The following ACSM6 variants were observed in gnomAD, a reference collection of about 807,000 sequenced individuals.
The protein encoded by ACSM6 is acyl-coenzyme A synthetase ACSM6, mitochondrial.
ACSM6 carries 35 observed loss-of-function variants against 51.1 expected under a neutral mutation model. The observed-to-expected ratio is 0.69, with a 90% CI of 0.52 to 0.91. The LOEUF is 0.91. Among genes scored for constraint, ACSM6 ranks in the 40% least tolerant of loss-of-function variants. The probability of loss-of-function intolerance (pLI) is 0.00; values close to 1 mark genes in which losing one functional copy is unlikely to be tolerated. For missense variants in ACSM6, 509 were observed against 584.1 expected (o/e 0.87, Z 1.32); for synonymous variants, 172 against 207.3 (o/e 0.83, Z 1.46).
intron 4 of ACSM6, among the ~76,000 whole-genome samples, chr10:95,209,992 C>A (rs889406264): frequency 1.3e-5 from 2 of 152,062 alleles, no homozygotes; most frequent in Non-Finnish European, 2.9e-5. Flanking sequence ...TTGAAGCCGG[C>A]CTGAATCCCA....
intron 8 of ACSM6, among the ~76,000 whole-genome samples, chr10:95,217,893 C>T (rs762003032): frequency 3.3e-5 from 5 of 152,224 alleles, no homozygotes; most frequent in Non-Finnish European, 4.4e-5. Flanking sequence ...ACGCAAGTTA[C>T]AATTCAAAAC....
Position 95,201,975 on chromosome 10 carries a change from C to T in ACSM6, c.193-10C>T, listed in dbSNP as rs80081228. 1.1e-5 allele frequency: 17 copies of T among 1,550,666 alleles called. No homozygotes were observed. Among genetic ancestry groups the T allele is most frequent in the East Asian group, 7.3e-5 (3 of 40,914 alleles). Reference sequence around the variant, plus strand: ...ACTAATATTCATATTTTAAACATCACCCTGCCTAGGACGGACTCAGAGGGC... The same window carrying T: ...ACTAATATTCATATTTTAAACATCATCCTGCCTAGGACGGACTCAGAGGGC... On this transcript the variant is annotated splice_polypyrimidine_tract_variant and intron_variant, in intron 2 of 10. Transcript: ENST00000341686.
intron 9 of ACSM6, among the ~76,000 whole-genome samples, chr10:95,222,501 T>G (rs2035002987): frequency 6.6e-6 from 1 of 151,724 alleles, no homozygotes; most frequent in Admixed American, 6.6e-5. Context: ...CATATGACTG[T>G]AATCCCAGCT....
chr10:95,215,045 A>G, intron 8 of ACSM6, 70 bp downstream of exon 8: 3 of 1,519,514 alleles, frequency 2.0e-6, no homozygotes, highest in Non-Finnish European at 2.7e-6. Context: ...GCACACTGTC[A>G]AAGCACTAAG....
At chr10:95,213,011 A>AT in intron 7 of ACSM6, 71 bp downstream of exon 7, 1 of 1,343,016 alleles carries the variant, frequency 7.4e-7, no homozygotes, top group Non-Finnish European at 1.1e-6. Flanking sequence ...GGACCCCTTA[A>AT]TTTGTTGAAG....
At chr10:95,207,334 C>G (rs746660697) in exon 4 of ACSM6, 5 of 1,614,018 alleles carry the variant, frequency 3.1e-6, no homozygotes. Flanking sequence ...TCTGCCGTGT[C>G]CGACTGCCCC....
At chr10:95,210,618 G>T in intron 4 of ACSM6, 32 bp from the exon 5 acceptor site, 1 of 1,600,502 alleles carries the variant, frequency 6.2e-7, no homozygotes, top group South Asian at 1.1e-5. Flanking sequence ...CCTAAATTTA[G>T]ATCTCACTGT....
chr10:95,218,569 G>C (rs2034966344), intron 8 of ACSM6, among the ~76,000 whole-genome samples: 1 of 152,146 alleles, frequency 6.6e-6, no homozygotes, highest in Non-Finnish European at 1.5e-5. Flanking sequence ...ATTAACACCA[G>C]CAACTCTGGA....
Position 95,214,595 on chromosome 10 carries a change from A to G in ACSM6, c.996-257A>G, listed in dbSNP as rs1589495885. On this transcript the variant is annotated intron_variant, in intron 7 of 10. Transcript: ENST00000341686. The stretch of plus-strand genomic sequence containing the variant: ...TGCAGAAGGCTGGCTTCCTGCCATC[A>G]GTTAGCACTGGTTGATTTGCTTTTA... Among the ~76,000 whole-genome samples, 4 of 152,324 alleles carry G rather than the reference A, an allele frequency of 2.6e-5. No homozygotes were observed. In the East Asian group the frequency reaches 7.7e-4, roughly 29 times the overall value.
chr10:95,228,716 G>A (rs2035065127), exon 11 of ACSM6: 1 of 1,551,768 alleles, frequency 6.4e-7, no homozygotes, highest in Non-Finnish European at 8.7e-7. Flanking sequence ...GATCATGGAT[G>A]AAGACGGCTA....
At chr10:95,221,771 G>T (rs1256093348) in intron 9 of ACSM6, among the ~76,000 whole-genome samples, 1 of 152,110 alleles carries the variant, frequency 6.6e-6, no homozygotes, top group Non-Finnish European at 1.5e-5. Context: ...GAAAAGCCCA[G>T]CACCAAATGC....
intron 3 of ACSM6, among the ~76,000 whole-genome samples, chr10:95,203,431 G>A (rs1354025336): frequency 6.6e-6 from 1 of 152,172 alleles, no homozygotes; most frequent in Non-Finnish European, 1.5e-5. Flanking sequence ...GCCTCAGTCT[G>A]TGGAAAAATT....
chr10:95,226,645 T>C (rs766246904), intron 10 of ACSM6, among the ~76,000 whole-genome samples: 6 of 152,198 alleles, frequency 3.9e-5, no homozygotes, highest in Non-Finnish European at 7.3e-5. Flanking sequence ...ATACATTAAT[T>C]AGGTGGCATT....
chr10:95,209,153 G>T (rs936522084), intron 4 of ACSM6, among the ~76,000 whole-genome samples: 6 of 152,102 alleles, frequency 3.9e-5, no homozygotes, highest in Non-Finnish European at 8.8e-5. Context: ...GACTTCTGAG[G>T]TGAGGATAAG....
intron 2 of ACSM6, 22 bp from the exon 3 acceptor site, chr10:95,201,962 AT>A (rs1390414601): frequency 1.3e-6 from 2 of 1,545,428 alleles, no homozygotes; most frequent in African/African-American, 2.7e-5. Context: ...TAATATTCAT[AT>A]TTTAAACATC....
Position 95,228,641 on chromosome 10 carries a change from C to T in ACSM6, c.1303-3C>T. The T allele has an allele frequency of 6.5e-7, 1 of 1,549,852 alleles. No individual in the cohort carries two copies. The highest frequency in any genetic ancestry group is 8.7e-7 in the Non-Finnish European group (1 of 1,146,192). ...TAGGTTTCTGGATTCATCATTCTATCAGGTGAGCTGGGAGGAATATGCTTC... is the reference window on the plus strand; with the variant it reads ...TAGGTTTCTGGATTCATCATTCTATTAGGTGAGCTGGGAGGAATATGCTTC... On this transcript the variant is annotated splice_polypyrimidine_tract_variant and splice_region_variant and intron_variant, in intron 10 of 10. Transcript: ENST00000341686.
At chr10:95,194,570 G>C in exon 2 of ACSM6, 1 of 1,551,966 alleles carries the variant, frequency 6.4e-7, no homozygotes, top group Non-Finnish European at 8.7e-7. Flanking sequence ...CCAAAAATGT[G>C]CTACTCAGAC....
chr10:95,227,370 T>A (rs1434955989), intron 10 of ACSM6, among the ~76,000 whole-genome samples: 3 of 152,236 alleles, frequency 2.0e-5, no homozygotes, highest in African/African-American at 4.8e-5. Flanking sequence ...AAATTTTGGT[T>A]ACTTCCAATG....
chr10:95,222,197 T>C (rs1224419724), intron 9 of ACSM6, among the ~76,000 whole-genome samples: 1 of 152,152 alleles, frequency 6.6e-6, no homozygotes, highest in African/African-American at 2.4e-5. Flanking sequence ...ACATATGGTA[T>C]AAAGAAAAGT....
Sources: allele counts gnomAD v4.1 joint callset (sites outside exome capture counted in the v4.1 genomes callset), GRCh38; gene constraint gnomAD v4.1.1; transcripts MANE v1.5; gene names NCBI Gene and HGNC (gene_info 2026-07-23, HGNC 2026-07-21).